ERG: variants seen among roughly 807,000 people sequenced by gnomAD.
The protein encoded by ERG is transcriptional regulator ERG.
A neutral mutation model predicts 55.3 loss-of-function variants in ERG; 9 were observed. That is an observed-to-expected ratio of 0.16 (90% CI 0.10 to 0.28). The LOEUF (loss-of-function observed/expected upper bound fraction) is 0.28. Among genes scored for constraint, ERG ranks in the 10% least tolerant of loss-of-function variants. The pLI is 1.00. For synonymous variants in ERG, 223 were observed against 237.3 expected, an observed-to-expected ratio of 0.94 and a Z score of 0.55; for missense variants, 434 against 631.6, an observed-to-expected ratio of 0.69 and a Z score of 3.35.
intron 2 of ERG, among the ~76,000 whole-genome samples, chr21:38,519,236 A>G (rs1421286896): frequency 6.6e-6 from 1 of 152,236 alleles, no homozygotes; most frequent in East Asian, 1.9e-4. Flanking sequence ...AGCATATTCA[A>G]ATAGGTAAGT....
intron 2 of ERG, among the ~76,000 whole-genome samples, chr21:38,438,616 G>GC (rs1207546525): frequency 2.6e-5 from 4 of 152,196 alleles, no homozygotes; most frequent in African/African-American, 9.7e-5. Context: ...CCAGAGAGAG[G>GC]CAAGGCCCAG....
chr21:38,397,351 G>A (rs1468794132), intron 6 of ERG, among the ~76,000 whole-genome samples: 8 of 152,076 alleles, frequency 5.3e-5, no homozygotes, highest in Admixed American at 4.6e-4. Context: ...TGTAATCCCA[G>A]CACTTTGGGA....
intron 1 of ERG, among the ~76,000 whole-genome samples, chr21:38,643,055 T>C (rs983973301): frequency 1.3e-5 from 2 of 152,192 alleles, no homozygotes; most frequent in Non-Finnish European, 2.9e-5. Flanking sequence ...AGTGATCCAC[T>C]GAAAAGAATT....
chr21:38,600,047 G>C (rs2060155122), intron 1 of ERG, among the ~76,000 whole-genome samples: 1 of 152,240 alleles, frequency 6.6e-6, no homozygotes, highest in Non-Finnish European at 1.5e-5. Flanking sequence ...GGAGGCAAAA[G>C]AAGTGATCTA....
intron 1 of ERG, among the ~76,000 whole-genome samples, chr21:38,472,865 C>T (rs2836428): frequency 6.6e-6 from 1 of 152,100 alleles, no homozygotes; most frequent in African/African-American, 2.4e-5. Flanking sequence ...TGTCTTGGTG[C>T]ATGCTGGGCC....
intron 1 of ERG, among the ~76,000 whole-genome samples, chr21:38,629,807 G>A (rs2060346590): frequency 6.6e-6 from 1 of 152,132 alleles, no homozygotes; most frequent in Non-Finnish European, 1.5e-5. Context: ...GTACATCAAT[G>A]TTCATAACAG....
At chr21:38,408,243 G>A (rs988670546) in intron 3 of ERG, among the ~76,000 whole-genome samples, 2 of 152,180 alleles carry the variant, frequency 1.3e-5, no homozygotes, top group African/African-American at 2.4e-5. Context: ...AGGACAGTTT[G>A]CAGGGGAAAA....
rs1987869847 is a variant in ERG, at chr21:38,389,523, T to C, written c.919+1472A>G. Among the ~76,000 whole-genome samples the C allele has an allele frequency of 2.0e-5, 3 of 151,922 alleles. 1 individual carries two copies. The South Asian group carries it at 6.2e-4, about 32-fold the overall frequency. On this transcript the variant is annotated intron_variant, in intron 9 of 9. Coordinates refer to ENST00000288319, the MANE Select transcript of ERG (RefSeq NM_182918.4). ...AGTCTTCCTGAAGCATGACTGATAA[T>C]AATCATCTCAAAACATAGTCATTAT...
rs1193263067 is a variant in ERG, at chr21:38,381,325, G to A, written c.*2078C>T. 1 of 1,064,456 alleles carries A rather than the reference G, an allele frequency of 9.4e-7. No homozygotes were observed. The highest frequency in any genetic ancestry group is 1.1e-6 in the Non-Finnish European group (1 of 878,810). The allele number at this position is 1,064,456 out of a possible 1,614,324, so 65.9% of individuals were successfully genotyped here. On this transcript the variant is annotated 3_prime_UTR_variant, in exon 10 of 10. Coordinates refer to ENST00000288319, the MANE Select transcript of ERG (RefSeq NM_182918.4). ...ACCTTGTATTTTCACCTTTTGAGTTGCCTTCACCTGGACCAAGGTTGGCAG... is the reference window on the plus strand; with the variant it reads ...ACCTTGTATTTTCACCTTTTGAGTTACCTTCACCTGGACCAAGGTTGGCAG...
chr21:38,584,253 T>C (rs1380613530), intron 1 of ERG, among the ~76,000 whole-genome samples: 1 of 152,178 alleles, frequency 6.6e-6, no homozygotes. Context: ...AGGGGAGCCC[T>C]AGCATTCCAG....
chr21:38,514,944 T>C (rs1390520869), intron 2 of ERG, among the ~76,000 whole-genome samples: 1 of 151,988 alleles, frequency 6.6e-6, no homozygotes, highest in Non-Finnish European at 1.5e-5. Context: ...TATATCAGCA[T>C]AAACATCAAT....
At chr21:38,625,062 G>A (rs944914342) in intron 1 of ERG, among the ~76,000 whole-genome samples, 2 of 152,048 alleles carry the variant, frequency 1.3e-5, no homozygotes, top group African/African-American at 4.8e-5. Flanking sequence ...CACTGCTTGA[G>A]GAAGAAGTAC....
intron 2 of ERG, among the ~76,000 whole-genome samples, chr21:38,523,187 CA>C: frequency 6.6e-6 from 1 of 152,118 alleles, no homozygotes; most frequent in East Asian, 1.9e-4. Flanking sequence ...ACTTAGGTAG[CA>C]AAAAGGGCAC....
chr21:38,470,221 A>C (rs1569124251), intron 1 of ERG, among the ~76,000 whole-genome samples: 1 of 151,812 alleles, frequency 6.6e-6, no homozygotes. Context: ...ACTTAATACA[A>C]TGTCTAGCAT....
intron 1 of ERG, among the ~76,000 whole-genome samples, chr21:38,454,006 T>C (rs1250404397): frequency 6.6e-6 from 1 of 152,102 alleles, no homozygotes; most frequent in Non-Finnish European, 1.5e-5. Flanking sequence ...TGTTTTACAT[T>C]GGAATGGGTG....
chr21:38,493,311 T>G (rs1047419565), intron 1 of ERG, among the ~76,000 whole-genome samples: 1 of 152,152 alleles, frequency 6.6e-6, no homozygotes, highest in African/African-American at 2.4e-5. Flanking sequence ...AACAAAAATT[T>G]TGCTTATCAA....
intron 2 of ERG, among the ~76,000 whole-genome samples, chr21:38,440,071 C>T (rs1033007023): frequency 2.0e-5 from 3 of 152,260 alleles, no homozygotes; most frequent in African/African-American, 7.2e-5. Flanking sequence ...TAACAGCCCA[C>T]AAGTTCTAGC....
At chr21:38,626,692 T>G (rs2060326776) in intron 1 of ERG, among the ~76,000 whole-genome samples, 1 of 152,212 alleles carries the variant, frequency 6.6e-6, no homozygotes. Context: ...TAATTAAATG[T>G]TTATGGCTTT....
chr21:38,415,973 G>A (rs1206160811), intron 3 of ERG, among the ~76,000 whole-genome samples: 1 of 152,174 alleles, frequency 6.6e-6, no homozygotes. Flanking sequence ...AATAACTCAC[G>A]CTAAGAGGAT....
Sources: allele counts gnomAD v4.1 joint callset (sites outside exome capture counted in the v4.1 genomes callset), GRCh38; gene constraint gnomAD v4.1.1; transcripts MANE v1.5; gene names NCBI Gene and HGNC (gene_info 2026-07-23, HGNC 2026-07-21).